Variants in SEC24B observed in about 807,000 individuals in gnomAD.
SEC24B encodes SEC24 homolog B, COPII component.
In SEC24B, 45 loss-of-function variants were observed where a neutral mutation model predicts 142.8. The observed-to-expected ratio is 0.32, with a 90% confidence interval of 0.25 to 0.40. SEC24B has a LOEUF of 0.40. Ranked by LOEUF, SEC24B falls within the 10% of genes least tolerant of loss-of-function variation. SEC24B has a pLI of 1.00. For missense variants in SEC24B, 1,409 were observed against 1,526.8 expected, an observed-to-expected ratio of 0.92 and a Z score of 1.29; for synonymous variants, 574 against 568.2, an observed-to-expected ratio of 1.01 and a Z score of -0.15.
intron 2 of SEC24B, among the ~76,000 whole-genome samples, chr4:109,468,033 C>T (rs1308217606): frequency 6.6e-6 from 1 of 152,176 alleles, no homozygotes; most frequent in Non-Finnish European, 1.5e-5. Context: ...TATCTGTCAT[C>T]TCTGGTTGGT....
chr4:109,509,858 C>T, intron 7 of SEC24B, 151 bp from the exon 8 acceptor site: 1 of 491,986 alleles, frequency 2.0e-6, no homozygotes, highest in Non-Finnish European at 3.6e-6. Flanking sequence ...TGCATACATG[C>T]CTAATTAATC....
chr4:109,532,695 T>G lies in SEC24B; in HGVS notation c.3447T>G (p.Ser1149=), dbSNP rs1444019422. 10 of 1,611,652 alleles carry G rather than the reference T, an allele frequency of 6.2e-6. No homozygotes were observed. In the African/African-American group the frequency reaches 1.3e-4, roughly 22 times the overall value. Residue 1149 remains serine, a synonymous_variant, in exon 21 of 24, where the codon TCT becomes TCG. Coordinates refer to ENST00000265175, the MANE Select transcript of SEC24B (RefSeq NM_006323.5). ...CACAGCCACCTCTTCAAAAATTGTC[T>G]GCAGAGAAGCTGACAAGAGAAGGTG... ...IVPQPPLQKL[S]AEKLTREGAF...
intron 1 of SEC24B, among the ~76,000 whole-genome samples, chr4:109,449,680 T>C (rs1729861464): frequency 6.6e-6 from 1 of 152,070 alleles, no homozygotes; most frequent in South Asian, 2.1e-4. Flanking sequence ...CTCTCTTCTT[T>C]TTATAAGGGC....
At chr4:109,456,648 T>G (rs2067380597) in intron 1 of SEC24B, among the ~76,000 whole-genome samples, 1 of 152,228 alleles carries the variant, frequency 6.6e-6, no homozygotes, top group Admixed American at 6.5e-5. Context: ...TATCTATTGA[T>G]GTGATTATGT....
At chr4:109,493,836 C>T (rs992303670) in intron 5 of SEC24B, among the ~76,000 whole-genome samples, 5 of 152,094 alleles carry the variant, frequency 3.3e-5, no homozygotes, top group Admixed American at 2.6e-4. Flanking sequence ...ACCTCATGAT[C>T]CACCCACCTC....
intron 4 of SEC24B, among the ~76,000 whole-genome samples, chr4:109,488,495 T>G (rs1734627991): frequency 6.6e-6 from 1 of 152,196 alleles, no homozygotes; most frequent in Non-Finnish European, 1.5e-5. Context: ...GTATCACATT[T>G]TATTTATCCA....
chr4:109,502,719 C>T (rs1186850896), intron 6 of SEC24B, among the ~76,000 whole-genome samples: 2 of 152,176 alleles, frequency 1.3e-5, no homozygotes, highest in African/African-American at 4.8e-5. Context: ...AGTATTTGAT[C>T]AGTGGTTGTT....
At chr4:109,502,630 A>G (rs1441178595) in intron 6 of SEC24B, among the ~76,000 whole-genome samples, 1 of 152,194 alleles carries the variant, frequency 6.6e-6, no homozygotes, top group African/African-American at 2.4e-5. Context: ...CGTATTTACT[A>G]AGATAATGAA....
chr4:109,516,590 A>C lies in SEC24B; in HGVS notation c.2076A>C (p.Glu692Asp). ...TAGATGTGTCTCATAATGCAGTGGA[A>C]GCTGGATATTTGACAATTTTGTGCC... ...FVLDVSHNAV[E>D]AGYLTILCQS... The change falls in exon 11 of 24, where the codon GAA becomes GAC. Residue 692 changes from glutamate (E) to aspartate (D), a missense_variant. Glu to Asp is a conservative substitution (Grantham distance 45). Around this residue, in one of 2 missense-constraint regions of SEC24B, gnomAD observed 700 missense variants for 853.3 expected, o/e 0.82. Coordinates refer to ENST00000265175, the MANE Select transcript of SEC24B (RefSeq NM_006323.5). 6.2e-7 allele frequency: 1 copy of C among 1,613,270 alleles called. No individual in the cohort carries two copies. Among genetic ancestry groups the C allele is most frequent in the Non-Finnish European group, 8.5e-7 (1 of 1,179,524 alleles).
intron 10 of SEC24B, among the ~76,000 whole-genome samples, chr4:109,516,028 A>C (rs1338769892): frequency 6.6e-6 from 1 of 152,056 alleles, no homozygotes; most frequent in Non-Finnish European, 1.5e-5. Flanking sequence ...AGCCTGGATG[A>C]CAGAGTGAGA....
intron 14 of SEC24B, 80 bp from the exon 15 acceptor site, chr4:109,524,738 A>T: frequency 7.4e-7 from 1 of 1,347,220 alleles, no homozygotes; most frequent in Non-Finnish European, 1.0e-6. Flanking sequence ...GAGGCAGAGG[A>T]TATCCTTTTT....
At chr4:109,531,908 G>A (rs1239784743) in intron 20 of SEC24B, among the ~76,000 whole-genome samples, 1 of 152,094 alleles carries the variant, frequency 6.6e-6, no homozygotes, top group African/African-American at 2.4e-5. Context: ...CACCCAGGCT[G>A]GAGTGCAGTG....
At chr4:109,531,947 C>G (rs1183777687) in intron 20 of SEC24B, among the ~76,000 whole-genome samples, 1 of 151,450 alleles carries the variant, frequency 6.6e-6, no homozygotes, top group Non-Finnish European at 1.5e-5. Context: ...GCAGCTTCTG[C>G]CTCCCAGGTT....
intron 2 of SEC24B, among the ~76,000 whole-genome samples, chr4:109,471,920 TAAA>T (rs900110311): frequency 2.6e-5 from 4 of 152,164 alleles, no homozygotes; most frequent in African/African-American, 9.7e-5. Context: ...CAAAGGGTGG[TAAA>T]ATAGACTCCA....
In SEC24B at chr4:109,497,739, C is replaced by T. The variant is rs549985600; in HGVS notation, c.1488+2883C>T. Among the ~76,000 whole-genome samples the T allele has an allele frequency of 2.5e-4, 38 of 152,206 alleles. 1 individual carries two copies. Among genetic ancestry groups the T allele is most frequent in the South Asian group, 8.3e-4 (4 of 4,812 alleles). On this transcript the variant is annotated intron_variant, in intron 6 of 23. Coordinates refer to ENST00000265175, the MANE Select transcript of SEC24B (RefSeq NM_006323.5). ...GTTGATGGGCATTGGGGTAACTTTC[C>T]AGTGTGGGGCCATTATGAATGATGC...
intron 7 of SEC24B, among the ~76,000 whole-genome samples, chr4:109,509,580 G>C (rs1737082786): frequency 6.6e-6 from 1 of 151,650 alleles, no homozygotes; most frequent in Admixed American, 6.6e-5. Flanking sequence ...AGGAGGCTGA[G>C]GCAGGAGAAT....
chr4:109,466,343 C>G (rs1021215326), intron 2 of SEC24B, among the ~76,000 whole-genome samples: 22 of 152,138 alleles, frequency 1.4e-4, no homozygotes, highest in African/African-American at 5.1e-4. Context: ...AACATAATTG[C>G]TTTCAATACT....
At chr4:109,497,275 C>T (rs994914483) in intron 6 of SEC24B, among the ~76,000 whole-genome samples, 7 of 152,108 alleles carry the variant, frequency 4.6e-5, no homozygotes, top group Non-Finnish European at 7.4e-5. Flanking sequence ...TTTTTCATTT[C>T]GTATTTTATT....
intron 22 of SEC24B, among the ~76,000 whole-genome samples, chr4:109,537,905 T>A (rs1371162489): frequency 6.6e-6 from 1 of 152,222 alleles, no homozygotes; most frequent in African/African-American, 2.4e-5. Context: ...TAATTTGCTA[T>A]TTAATTTACA....
Sources: gnomAD v4.1 joint callset for allele counts (sites outside exome capture counted in the v4.1 genomes callset) on GRCh38, gnomAD v4.1.1 for gene constraint, gnomAD v4.1.1 regional missense constraint, MANE v1.5 for transcripts, NCBI Gene and HGNC (gene_info 2026-07-23, HGNC 2026-07-21) for gene names.